RCOR3: variants seen among roughly 807,000 people sequenced by gnomAD.
The protein encoded by RCOR3 is REST corepressor 3.
A neutral mutation model predicts 64.1 loss-of-function variants in RCOR3; 13 were observed. That is an observed-to-expected ratio of 0.20 (90% confidence interval 0.13 to 0.32). The LOEUF is 0.32. Among genes scored for constraint, RCOR3 ranks in the 10% least tolerant of loss-of-function variants. The probability of loss-of-function intolerance (pLI) is 1.00; values close to 1 mark genes in which losing one functional copy is unlikely to be tolerated. For synonymous variants in RCOR3, 215 were observed against 239.0 expected (o/e 0.90, Z 0.93); for missense variants, 489 against 701.2 (o/e 0.70, Z 3.42).
chr1:211,264,120 G>A (rs1233411449), intron 2 of RCOR3, among the ~76,000 whole-genome samples: 1 of 152,092 alleles, frequency 6.6e-6, no homozygotes, highest in Non-Finnish European at 1.5e-5. Flanking sequence ...ACCACACCCT[G>A]CCAAAAAGAT....
chr1:211,264,167 C>T (rs146872698), intron 2 of RCOR3, among the ~76,000 whole-genome samples: 1,837 of 152,254 alleles, frequency 0.012, 14 homozygotes, highest in Middle Eastern at 0.071. Context: ...TGGTTAGCTC[C>T]TCTCTCTTCT....
intron 9 of RCOR3, 33 bp from the exon 10 acceptor site, chr1:211,304,050 T>C: frequency 6.6e-7 from 1 of 1,523,438 alleles, no homozygotes; most frequent in Non-Finnish European, 8.9e-7. Context: ...TGTCTTCATA[T>C]CCTCATTAGG....
intron 9 of RCOR3, among the ~76,000 whole-genome samples, chr1:211,297,760 T>C (rs1699989448): frequency 6.6e-6 from 1 of 152,188 alleles, no homozygotes; most frequent in Non-Finnish European, 1.5e-5. Context: ...ATTTGTCATA[T>C]TGTTCTTACT....
At chr1:211,273,772 C>T (rs889949931) in intron 3 of RCOR3, among the ~76,000 whole-genome samples, 7 of 152,106 alleles carry the variant, frequency 4.6e-5, no homozygotes, top group African/African-American at 1.4e-4. Context: ...ATAAACTATC[C>T]TTTATACATC....
chr1:211,300,913 C>CGT (rs146843501), intron 9 of RCOR3, among the ~76,000 whole-genome samples: 4,026 of 151,154 alleles, frequency 0.027, 123 homozygotes, highest in Admixed American at 0.072. Flanking sequence ...TGTATGCGTG[C>CGT]GTGCGTGTGT....
chr1:211,289,993 G>A (rs1699045946), intron 8 of RCOR3, among the ~76,000 whole-genome samples: 2 of 152,282 alleles, frequency 1.3e-5, no homozygotes, highest in East Asian at 1.9e-4. Flanking sequence ...ATAGTATAGT[G>A]GTTGAGAGGA....
At chr1:211,307,806 G>A (rs1701005399) in intron 10 of RCOR3, among the ~76,000 whole-genome samples, 1 of 151,344 alleles carries the variant, frequency 6.6e-6, no homozygotes, top group Non-Finnish European at 1.5e-5. Context: ...GTATAAAGAT[G>A]TCAACTTTAG....
Position 211,295,742 on chromosome 1 carries a change from A to G in RCOR3, c.1006A>G (p.Lys336Glu). ...QKMEGGIEEF[K>E]PPESNQKINA... ...AATGGAAGGTGGAATTGAAGAATTC[A>G]AACCTCCTGAGGTATGTTATTGAAG... is the stretch of plus-strand genomic sequence containing the variant. The change falls in exon 9 of 12, where the codon AAA becomes GAA. Residue 336 changes from lysine to glutamate, a missense_variant. Coordinates refer to ENST00000419091, the MANE Select transcript of RCOR3 (RefSeq NM_001136223.3). 6.2e-7 allele frequency: 1 copy of G among 1,613,306 alleles called. No individual in the cohort carries two copies. The highest frequency in any genetic ancestry group is 8.5e-7 in the Non-Finnish European group (1 of 1,179,448).
chr1:211,298,022 G>C (rs1431958846), intron 9 of RCOR3, among the ~76,000 whole-genome samples: 2 of 152,200 alleles, frequency 1.3e-5, no homozygotes, highest in African/African-American at 4.8e-5. Flanking sequence ...AAAATGGGTT[G>C]AAGAAAGTCC....
rs1020981842 is a variant in RCOR3 at position 211,259,580 on chromosome 1, A to C, written c.20A>C (p.Lys7Thr). ...TCTACCATGCCCGGCATGATGGAGA[A>C]AGGGCCCGAGTTACTGGGGAAGAAC... is the stretch of plus-strand genomic sequence containing the variant. MPGMME[K>T]GPELLGKNRS... The change falls in exon 1 of 12, where the codon AAA (lysine) becomes ACA (threonine). Residue 7 changes from lysine (K) to threonine (T), a missense_variant. Transcript: ENST00000419091. 1.3e-6 allele frequency: 2 copies of C among 1,547,692 alleles called. No homozygotes were observed. The highest frequency in any genetic ancestry group is 1.7e-6 in the Non-Finnish European group (2 of 1,145,814).
intron 8 of RCOR3, among the ~76,000 whole-genome samples, chr1:211,292,509 G>A (rs1699363241): frequency 6.6e-6 from 1 of 152,052 alleles, no homozygotes; most frequent in Non-Finnish European, 1.5e-5. Flanking sequence ...GATTTTTTTA[G>A]AAGGCACTTT....
intron 8 of RCOR3, among the ~76,000 whole-genome samples, chr1:211,291,361 T>C (rs961987825): frequency 2.6e-5 from 4 of 152,178 alleles, no homozygotes; most frequent in Non-Finnish European, 4.4e-5. Flanking sequence ...GAAATGGTCA[T>C]TGGAGCATTT....
Position 211,279,334 on chromosome 1 carries a change from A to G in RCOR3, c.720+18A>G, listed in dbSNP as rs377455474. 40 of 1,545,370 alleles carry G rather than the reference A, an allele frequency of 2.6e-5. No homozygotes were observed. The African/African-American group carries it at 4.2e-4, about 16-fold the overall frequency. On this transcript the variant is annotated intron_variant, in intron 7 of 11. Transcript: ENST00000419091. ...AAAAAGAGGTAATGATGATCACTAG[A>G]AGTACTTGTGATTGTTCTACAAATC...
chr1:211,280,781 C>A (rs889904973), intron 7 of RCOR3, among the ~76,000 whole-genome samples: 1 of 152,102 alleles, frequency 6.6e-6, no homozygotes, highest in African/African-American at 2.4e-5. Flanking sequence ...GTCAGGAGTT[C>A]AAGACCAGCC....
At chr1:211,272,638 T>TC (rs1696381777) in intron 3 of RCOR3, among the ~76,000 whole-genome samples, 1 of 134,114 alleles carries the variant, frequency 7.5e-6, no homozygotes, top group African/African-American at 2.8e-5. Flanking sequence ...TTTTTTTTTT[T>TC]TGAGACGGAG....
chr1:211,273,644 G>A (rs972464004), intron 3 of RCOR3, among the ~76,000 whole-genome samples: 1 of 152,158 alleles, frequency 6.6e-6, no homozygotes, highest in Non-Finnish European at 1.5e-5. Flanking sequence ...ACGTATGGAA[G>A]ATAAATGAAA....
intron 3 of RCOR3, among the ~76,000 whole-genome samples, chr1:211,272,916 C>T (rs376841015): frequency 6.6e-6 from 1 of 152,018 alleles, no homozygotes; most frequent in Non-Finnish European, 1.5e-5. Context: ...CCACCGCGCC[C>T]GGCCTGGATG....
At position 211,313,987 on chromosome 1, in the gene RCOR3, G is replaced by C. The variant is rs1321812431; in HGVS notation, c.*219G>C. The stretch of plus-strand genomic sequence containing the variant: ...AAGCCTCCAGTTAGCCTCCTTTCTA[G>C]AGTATATGTTCAGCAATGTTGATCT... On this transcript the variant is annotated 3_prime_UTR_variant, in exon 12 of 12. Coordinates refer to ENST00000419091, the MANE Select transcript of RCOR3 (RefSeq NM_001136223.3). The surrounding 1 kb of genome is among the most constrained non-coding windows in gnomAD (Gnocchi z 4.7). 1.8e-6 allele frequency: 1 copy of C among 565,102 alleles called. No individual in the cohort carries two copies. The allele number at this position is 565,102 out of a possible 1,614,324, so 35.0% of individuals were successfully genotyped here. A position where few individuals can be genotyped will look rare whatever the true frequency, so the allele number is the denominator to read the frequency against.
chr1:211,278,065 T>C (rs2102506954), intron 5 of RCOR3, 52 bp from the exon 6 acceptor site: 5 of 1,458,758 alleles, frequency 3.4e-6, no homozygotes, highest in Admixed American at 2.1e-5. Flanking sequence ...ATCAAAATTA[T>C]TCATTTTGTT....
Sources: gnomAD v4.1 joint callset for allele counts (sites outside exome capture counted in the v4.1 genomes callset) on GRCh38, gnomAD v4.1.1 for gene constraint, Gnocchi (gnomAD v3.1) non-coding constraint, MANE v1.5 for transcripts, NCBI Gene and HGNC (gene_info 2026-07-23, HGNC 2026-07-21) for gene names.